Variants in CNTNAP5 observed in about 807,000 individuals in gnomAD.
CNTNAP5 encodes contactin-associated protein-like 5.
In CNTNAP5, 72 loss-of-function variants were observed where a neutral mutation model predicts 150.2. That is an observed-to-expected ratio of 0.48 (90% confidence interval 0.40 to 0.58). CNTNAP5 has a LOEUF of 0.58. CNTNAP5 is among the 20% of genes least tolerant of loss of function. The pLI, the probability that CNTNAP5 is intolerant of heterozygous loss-of-function variation, is 0.00. For synonymous variants in CNTNAP5, 672 were observed against 619.8 expected (o/e 1.08, Z -1.25); for missense variants, 1,636 against 1,626.2 (o/e 1.01, Z -0.10).
intron 13 of CNTNAP5, among the ~76,000 whole-genome samples, chr2:124,704,869 C>G (rs762029980): frequency 3.3e-5 from 5 of 152,050 alleles, no homozygotes; most frequent in Non-Finnish European, 5.9e-5. Flanking sequence ...CACTGCCTTT[C>G]CCTGTATTCA....
intron 19 of CNTNAP5, among the ~76,000 whole-genome samples, chr2:124,858,213 G>A (rs1318567885): frequency 6.6e-6 from 1 of 152,122 alleles, no homozygotes; most frequent in East Asian, 1.9e-4. Flanking sequence ...AGGGCAATCA[G>A]GCAGGAGAAG....
At chr2:124,088,052 C>T (rs1447126708) in intron 1 of CNTNAP5, among the ~76,000 whole-genome samples, 2 of 152,128 alleles carry the variant, frequency 1.3e-5, no homozygotes, top group East Asian at 3.9e-4. Flanking sequence ...CCTCTTTCTT[C>T]TGGAACTCTG....
At chr2:124,438,096 A>G (rs1381381644) in intron 5 of CNTNAP5, among the ~76,000 whole-genome samples, 5 of 152,174 alleles carry the variant, frequency 3.3e-5, no homozygotes, top group Admixed American at 2.6e-4. Context: ...AATTTACATT[A>G]CATAGTTACC....
chr2:124,496,990 C>T (rs1213215085), intron 7 of CNTNAP5, among the ~76,000 whole-genome samples: 1 of 152,156 alleles, frequency 6.6e-6, no homozygotes, highest in Non-Finnish European at 1.5e-5. Context: ...TTATTCTTCC[C>T]AGGTGACTCA....
intron 13 of CNTNAP5, among the ~76,000 whole-genome samples, chr2:124,688,513 T>C (rs1679237967): frequency 6.6e-6 from 1 of 152,104 alleles, no homozygotes; most frequent in Non-Finnish European, 1.5e-5. Context: ...GTGAGTCAGA[T>C]AGAATGACGT....
At chr2:124,305,111 CAAAA>C (rs57896748) in intron 3 of CNTNAP5, among the ~76,000 whole-genome samples, 2 of 86,376 alleles carry the variant, frequency 2.3e-5, no homozygotes, top group African/African-American at 4.3e-5. Context: ...ACAAAAAATA[CAAAA>C]AAAAAAAAAA....
chr2:124,077,595 A>G (rs889457167), intron 1 of CNTNAP5, among the ~76,000 whole-genome samples: 4 of 152,210 alleles, frequency 2.6e-5, no homozygotes, highest in African/African-American at 9.7e-5. Context: ...ACCATTTGTC[A>G]CACAGGGTCA....
intron 19 of CNTNAP5, among the ~76,000 whole-genome samples, chr2:124,807,728 G>A (rs945013219): frequency 6.6e-6 from 1 of 152,168 alleles, no homozygotes; most frequent in Non-Finnish European, 1.5e-5. Flanking sequence ...AACCTGCCAT[G>A]TTTTTCTGGA....
At chr2:124,290,765 G>A (rs914270860) in intron 3 of CNTNAP5, among the ~76,000 whole-genome samples, 6 of 152,060 alleles carry the variant, frequency 3.9e-5, no homozygotes, top group Admixed American at 3.3e-4. Context: ...AGTGTTTCAT[G>A]GTCCTGAACT....
chr2:124,202,299 A>G (rs995827687), intron 1 of CNTNAP5, among the ~76,000 whole-genome samples: 1 of 152,176 alleles, frequency 6.6e-6, no homozygotes, highest in African/African-American at 2.4e-5. Flanking sequence ...TTCTGTTAGA[A>G]CTACAAGGAA....
At chr2:124,215,133 G>A (rs563594273) in intron 1 of CNTNAP5, among the ~76,000 whole-genome samples, 3 of 147,308 alleles carry the variant, frequency 2.0e-5, no homozygotes, top group East Asian at 4.5e-4. Flanking sequence ...TCCACAAAAT[G>A]TATGTTTTAT....
intron 13 of CNTNAP5, among the ~76,000 whole-genome samples, chr2:124,726,808 A>T (rs569476163): frequency 1.1e-3 from 164 of 151,208 alleles, no homozygotes; most frequent in African/African-American, 3.7e-3. Flanking sequence ...TCGATTGTTG[A>T]TTTTTTTTAA....
At chr2:124,620,827 A>C (rs1677598677) in intron 12 of CNTNAP5, among the ~76,000 whole-genome samples, 1 of 152,020 alleles carries the variant, frequency 6.6e-6, no homozygotes, top group Non-Finnish European at 1.5e-5. Flanking sequence ...TTAATATGCT[A>C]ATGTAATGTC....
chr2:124,219,364 G>A (rs2104737248), intron 1 of CNTNAP5, among the ~76,000 whole-genome samples: 1 of 152,270 alleles, frequency 6.6e-6, no homozygotes, highest in Non-Finnish European at 1.5e-5. Flanking sequence ...TACATGCTCA[G>A]TGTCTAATAA....
chr2:124,722,835 T>A (rs1680075623), intron 13 of CNTNAP5, among the ~76,000 whole-genome samples: 1 of 152,202 alleles, frequency 6.6e-6, no homozygotes, highest in South Asian at 2.1e-4. Flanking sequence ...TGAAAACATG[T>A]GCTTGCAGCT....
At chr2:124,670,234 TTTC>T (rs1558728627) in intron 13 of CNTNAP5, among the ~76,000 whole-genome samples, 4 of 146,128 alleles carry the variant, frequency 2.7e-5, no homozygotes, top group Admixed American at 6.8e-5. Context: ...TCTTTCTTTC[TTTC>T]TTTTCTTTCT....
intron 12 of CNTNAP5, among the ~76,000 whole-genome samples, chr2:124,622,367 T>C (rs1327787532): frequency 2.0e-5 from 3 of 152,194 alleles, no homozygotes; most frequent in Admixed American, 2.0e-4. Context: ...ATCCAGTCTA[T>C]CATTGGTGGG....
At chr2:124,408,521 A>C (rs1691655945) in intron 3 of CNTNAP5, among the ~76,000 whole-genome samples, 1 of 151,932 alleles carries the variant, frequency 6.6e-6, no homozygotes, top group African/African-American at 2.4e-5. Context: ...TTCTCCCAGC[A>C]CGCAGCTGGA....
At chr2:124,573,033 A>G (rs186270624) in intron 11 of CNTNAP5, among the ~76,000 whole-genome samples, 1 of 152,310 alleles carries the variant, frequency 6.6e-6, no homozygotes, top group East Asian at 1.9e-4. Flanking sequence ...CAATCACTGA[A>G]TGTAAACATT....
Sources: allele counts gnomAD v4.1 joint callset (sites outside exome capture counted in the v4.1 genomes callset), GRCh38; gene constraint gnomAD v4.1.1; transcripts MANE v1.5; gene names NCBI Gene and HGNC (gene_info 2026-07-23, HGNC 2026-07-21).